Variants in PTPRK observed in about 807,000 individuals in gnomAD.
PTPRK encodes receptor-type tyrosine-protein phosphatase kappa.
In PTPRK, 75 loss-of-function variants were observed where a neutral mutation model predicts 178.0. That is an observed-to-expected ratio of 0.42 (90% CI 0.35 to 0.51). The LOEUF (loss-of-function observed/expected upper bound fraction) is 0.51, where lower values mean the gene tolerates loss of function less well. Among genes scored for constraint, PTPRK ranks in the 20% least tolerant of loss-of-function variants. The probability of loss-of-function intolerance (pLI) is 0.02; values close to 1 mark genes in which losing one functional copy is unlikely to be tolerated. For missense variants in PTPRK, 1,441 were observed against 1,797.8 expected, an observed-to-expected ratio of 0.80 and a Z score of 3.59; for synonymous variants, 637 against 620.6, an observed-to-expected ratio of 1.03 and a Z score of -0.39.
At chr6:128,285,368 AG>A (rs1163852098) in intron 3 of PTPRK, among the ~76,000 whole-genome samples, 1 of 151,640 alleles carries the variant, frequency 6.6e-6, no homozygotes, top group Non-Finnish European at 1.5e-5. Context: ...TACAAAAATT[AG>A]CCAGGCACGG....
At chr6:128,186,711 A>G (rs1802822547) in intron 6 of PTPRK, among the ~76,000 whole-genome samples, 1 of 152,170 alleles carries the variant, frequency 6.6e-6, no homozygotes, top group Admixed American at 6.5e-5. Flanking sequence ...CATACCATGA[A>G]ATTTTACCAA....
intron 21 of PTPRK, among the ~76,000 whole-genome samples, chr6:127,986,085 A>T (rs1024179982): frequency 4.6e-5 from 7 of 152,200 alleles, no homozygotes; most frequent in African/African-American, 9.7e-5. Flanking sequence ...ACTGCCAAAG[A>T]AAGAAAATTA....
chr6:128,206,283 CTTTTA>C (rs1352997991), intron 6 of PTPRK, among the ~76,000 whole-genome samples: 3 of 151,256 alleles, frequency 2.0e-5, no homozygotes, highest in African/African-American at 2.4e-5. Flanking sequence ...AAAACAAACT[CTTTTA>C]TTTTAGTATA....
chr6:128,127,478 A>T (rs927533954), intron 7 of PTPRK, among the ~76,000 whole-genome samples: 1 of 152,154 alleles, frequency 6.6e-6, no homozygotes, highest in East Asian at 1.9e-4. Context: ...TCAGTGTTTT[A>T]TAGTTTTCCC....
intron 22 of PTPRK, 49 bp from the exon 23 acceptor site, chr6:127,983,426 A>C (rs1396657080): frequency 6.3e-7 from 1 of 1,576,798 alleles, no homozygotes; most frequent in Admixed American, 1.8e-5. Context: ...GTTAGTCTTC[A>C]TAACCTTAAA....
At chr6:128,413,340 G>C (rs1055544573) in intron 1 of PTPRK, among the ~76,000 whole-genome samples, 2 of 151,838 alleles carry the variant, frequency 1.3e-5, no homozygotes, top group African/African-American at 4.8e-5. Context: ...TACTTTTCAA[G>C]GAAAACGCAG....
At chr6:128,278,436 G>A (rs1156939647) in intron 3 of PTPRK, among the ~76,000 whole-genome samples, 10 of 152,082 alleles carry the variant, frequency 6.6e-5, no homozygotes, top group Non-Finnish European at 1.2e-4. Context: ...GATTACAGGC[G>A]TGAGCCACTG....
intron 2 of PTPRK, among the ~76,000 whole-genome samples, chr6:128,348,749 T>G (rs1234469008): frequency 3.3e-5 from 5 of 152,154 alleles, no homozygotes; most frequent in Admixed American, 2.0e-4. Context: ...ATTTCTTTAA[T>G]AAGATATGTA....
At chr6:128,087,980 T>C (rs991283185) in intron 8 of PTPRK, among the ~76,000 whole-genome samples, 1 of 152,142 alleles carries the variant, frequency 6.6e-6, no homozygotes, top group Non-Finnish European at 1.5e-5. Flanking sequence ...GGCAAGCTAA[T>C]AGAAGGTAGG....
intron 2 of PTPRK, among the ~76,000 whole-genome samples, chr6:128,342,822 C>T (rs1831853797): frequency 6.6e-6 from 1 of 151,924 alleles, no homozygotes; most frequent in South Asian, 2.1e-4. Flanking sequence ...CATAGTAGCA[C>T]ACACCTGTAG....
chr6:128,410,826 C>A (rs372331938), intron 1 of PTPRK, among the ~76,000 whole-genome samples: 10 of 152,148 alleles, frequency 6.6e-5, no homozygotes, highest in African/African-American at 2.4e-4. Flanking sequence ...GACTTCCTGC[C>A]CAATCACTAA....
chr6:128,105,279 G>A (rs1046874793), intron 7 of PTPRK, among the ~76,000 whole-genome samples: 2 of 151,922 alleles, frequency 1.3e-5, no homozygotes, highest in Non-Finnish European at 1.5e-5. Context: ...GACTACAGGC[G>A]CCCGCCACCA....
chr6:128,064,835 GATA>G, intron 12 of PTPRK, 41 bp from the exon 13 acceptor site: 1 of 1,537,524 alleles, frequency 6.5e-7, no homozygotes, highest in Non-Finnish European at 8.7e-7. Context: ...TCAATGTACA[GATA>G]ATGTTTCCTG....
At chr6:128,321,367 G>A (rs1327004187) in intron 3 of PTPRK, 1 of 164,514 alleles carries the variant, frequency 6.1e-6, no homozygotes, top group East Asian at 1.9e-4. Flanking sequence ...TTTTTGTTAA[G>A]AGCATATAAA....
rs748017464 is a variant in PTPRK, at chr6:128,009,276, G to T, written c.2195-8C>A. On this transcript the variant is annotated splice_region_variant and splice_polypyrimidine_tract_variant and intron_variant, in intron 13 of 29. Coordinates refer to ENST00000368226, the MANE Select transcript of PTPRK (RefSeq NM_002844.4). The stretch of plus-strand genomic sequence containing the variant: ...GTTCTTCTGTTGCTGCTGCTAAATG[G>T]ATAAAAAAAAAAATCAGTTACTGAA... The T allele has an allele frequency of 2.6e-6, 4 of 1,546,222 alleles. No homozygotes were observed. Among genetic ancestry groups the T allele is most frequent in the Non-Finnish European group, 2.6e-6 (3 of 1,148,642 alleles).
At chr6:128,428,705 T>G (rs1365005278) in intron 1 of PTPRK, among the ~76,000 whole-genome samples, 1 of 152,206 alleles carries the variant, frequency 6.6e-6, no homozygotes, top group Non-Finnish European at 1.5e-5. Context: ...CTATCCTGAC[T>G]AAAGTACCGA....
intron 13 of PTPRK, among the ~76,000 whole-genome samples, chr6:128,048,343 AT>A (rs201220278): frequency 0.011 from 1,673 of 152,284 alleles, 16 homozygotes; most frequent in South Asian, 0.025. Context: ...AGAAGAGCTG[AT>A]TTAGAACATT....
At chr6:128,109,216 T>C (rs1358700215) in intron 7 of PTPRK, among the ~76,000 whole-genome samples, 2 of 152,162 alleles carry the variant, frequency 1.3e-5, no homozygotes, top group African/African-American at 4.8e-5. Flanking sequence ...ATGCTTGTCA[T>C]ACTTGCCCTT....
intron 2 of PTPRK, among the ~76,000 whole-genome samples, chr6:128,381,870 G>T (rs962285274): frequency 6.6e-6 from 1 of 151,982 alleles, no homozygotes; most frequent in Non-Finnish European, 1.5e-5. Context: ...ATAATCTATA[G>T]AGTCTCTTTC....
Sources: allele counts gnomAD v4.1 joint callset (sites outside exome capture counted in the v4.1 genomes callset), GRCh38; gene constraint gnomAD v4.1.1; transcripts MANE v1.5; gene names NCBI Gene and HGNC (gene_info 2026-07-23, HGNC 2026-07-21).